ALCAM: variants seen among roughly 807,000 people sequenced by gnomAD.
The protein encoded by ALCAM is CD166 antigen.
A neutral mutation model predicts 70.9 loss-of-function variants in ALCAM; 30 were observed. That is an observed-to-expected ratio of 0.42 (90% confidence interval 0.32 to 0.57). The LOEUF is 0.57. Among genes scored for constraint, ALCAM ranks in the 20% least tolerant of loss-of-function variants. The pLI, the probability that ALCAM is intolerant of heterozygous loss-of-function variation, is 0.11. For synonymous variants in ALCAM, 249 were observed against 242.5 expected, an observed-to-expected ratio of 1.03 and a Z score of -0.25; for missense variants, 591 against 695.1, an observed-to-expected ratio of 0.85 and a Z score of 1.68.
chr3:105,554,565 C>G (rs1256138267), intron 14 of ALCAM, among the ~76,000 whole-genome samples: 1 of 151,986 alleles, frequency 6.6e-6, no homozygotes, highest in African/African-American at 2.4e-5. Context: ...CAAGTTGACA[C>G]ATAAAATTAA....
At chr3:105,389,923 T>C (rs1424995494) in intron 1 of ALCAM, among the ~76,000 whole-genome samples, 1 of 151,948 alleles carries the variant, frequency 6.6e-6, no homozygotes. Flanking sequence ...ATCTCATTCC[T>C]TTTTATGGCT....
intron 1 of ALCAM, among the ~76,000 whole-genome samples, chr3:105,429,682 C>A (rs1205793266): frequency 1.3e-5 from 2 of 151,788 alleles, no homozygotes; most frequent in South Asian, 4.2e-4. Context: ...GTAATGAACA[C>A]CAATTGATTA....
chr3:105,527,654 A>G (rs1939738470), intron 3 of ALCAM, among the ~76,000 whole-genome samples: 1 of 151,962 alleles, frequency 6.6e-6, no homozygotes, highest in Non-Finnish European at 1.5e-5. Context: ...TGAAAACCAC[A>G]CCCTGTGCTA....
chr3:105,521,766 A>G (rs891619066), intron 2 of ALCAM, among the ~76,000 whole-genome samples: 2 of 152,220 alleles, frequency 1.3e-5, no homozygotes, highest in African/African-American at 4.8e-5. Context: ...AATCCTAACC[A>G]TACTATGCTC....
At chr3:105,570,730 A>G (rs912542857) in intron 14 of ALCAM, among the ~76,000 whole-genome samples, 8 of 152,250 alleles carry the variant, frequency 5.3e-5, no homozygotes, top group Non-Finnish European at 8.8e-5. Context: ...ATGCACCATT[A>G]TACATGAATG....
intron 14 of ALCAM, among the ~76,000 whole-genome samples, chr3:105,565,895 T>C (rs1317628620): frequency 3.9e-5 from 6 of 152,216 alleles, no homozygotes; most frequent in Non-Finnish European, 7.3e-5. Context: ...ATCATCTCCT[T>C]CCAGCCAAGT....
intron 1 of ALCAM, among the ~76,000 whole-genome samples, chr3:105,498,871 C>T (rs73189064): frequency 5.9e-5 from 9 of 152,230 alleles, no homozygotes; most frequent in Non-Finnish European, 1.2e-4. Context: ...TGTACAATGC[C>T]TTTAGTATTT....
chr3:105,377,561 T>C (rs1173761780), intron 1 of ALCAM, among the ~76,000 whole-genome samples: 5 of 152,074 alleles, frequency 3.3e-5, no homozygotes, highest in Non-Finnish European at 7.4e-5. Context: ...TAAAGCTTAT[T>C]GGAAAAGTTA....
intron 14 of ALCAM, among the ~76,000 whole-genome samples, chr3:105,565,028 T>G: frequency 6.6e-6 from 1 of 151,516 alleles, no homozygotes; most frequent in South Asian, 2.1e-4. Flanking sequence ...AGACTCTGTC[T>G]GGAAAGAAAA....
chr3:105,419,578 A>G (rs1391799305), intron 1 of ALCAM, among the ~76,000 whole-genome samples: 1 of 151,780 alleles, frequency 6.6e-6, no homozygotes, highest in African/African-American at 2.4e-5. Context: ...TTTGACAGGG[A>G]AAGTCCAGGG....
chr3:105,493,038 A>T (rs1012200263), intron 1 of ALCAM, among the ~76,000 whole-genome samples: 2 of 152,188 alleles, frequency 1.3e-5, no homozygotes, highest in Non-Finnish European at 2.9e-5. Flanking sequence ...TACAAATTAA[A>T]TTTCAACTTA....
intron 1 of ALCAM, among the ~76,000 whole-genome samples, chr3:105,399,949 T>C (rs1375186476): frequency 4.6e-5 from 7 of 152,190 alleles, no homozygotes; most frequent in African/African-American, 1.7e-4. Flanking sequence ...GTAGCAAACA[T>C]TGTCCTAAAT....
At chr3:105,505,685 C>T (rs1939054061) in intron 1 of ALCAM, among the ~76,000 whole-genome samples, 1 of 152,002 alleles carries the variant, frequency 6.6e-6, no homozygotes, top group Admixed American at 6.6e-5. Context: ...CACAGAAAAA[C>T]ATTCTTAGAA....
intron 1 of ALCAM, among the ~76,000 whole-genome samples, chr3:105,426,557 T>C (rs987006890): frequency 6.6e-6 from 1 of 151,920 alleles, no homozygotes; most frequent in Non-Finnish European, 1.5e-5. Flanking sequence ...ATTATTGTAT[T>C]ATATATCATA....
chr3:105,442,959 A>G (rs1937209758), intron 1 of ALCAM, among the ~76,000 whole-genome samples: 1 of 152,130 alleles, frequency 6.6e-6, no homozygotes, highest in South Asian at 2.1e-4. Context: ...CCCCCTGAGT[A>G]GCTTGGACTA....
intron 1 of ALCAM, among the ~76,000 whole-genome samples, chr3:105,421,582 G>T (rs1196992067): frequency 6.6e-6 from 1 of 151,434 alleles, no homozygotes; most frequent in Non-Finnish European, 1.5e-5. Flanking sequence ...GGTTCTGATA[G>T]AAAAGAACTA....
intron 1 of ALCAM, among the ~76,000 whole-genome samples, chr3:105,496,076 A>G (rs1470919614): frequency 1.3e-5 from 2 of 152,222 alleles, no homozygotes; most frequent in African/African-American, 4.8e-5. Flanking sequence ...TAAGGGACGT[A>G]TGAGAAAATA....
At chr3:105,392,348 T>C (rs1186175507) in intron 1 of ALCAM, among the ~76,000 whole-genome samples, 1 of 152,002 alleles carries the variant, frequency 6.6e-6, no homozygotes. Context: ...GATTTTCTAG[T>C]TTATTTGCAT....
intron 1 of ALCAM, among the ~76,000 whole-genome samples, chr3:105,409,097 A>C (rs1056841160): frequency 6.6e-6 from 1 of 152,086 alleles, no homozygotes; most frequent in African/African-American, 2.4e-5. Flanking sequence ...ATGCTGTTGG[A>C]GGGAATGTAA....
Sources: gnomAD v4.1 joint callset for allele counts (sites outside exome capture counted in the v4.1 genomes callset) on GRCh38, gnomAD v4.1.1 for gene constraint, MANE v1.5 for transcripts, NCBI Gene and HGNC (gene_info 2026-07-23, HGNC 2026-07-21) for gene names.